NRXN3: variants seen among roughly 807,000 people sequenced by gnomAD.
NRXN3 encodes the protein neurexin 3.
NRXN3 carries 32 observed loss-of-function variants against 137.6 expected under a neutral mutation model. That is an observed-to-expected ratio of 0.23 (90% CI 0.18 to 0.31). NRXN3 has a LOEUF of 0.31. Among genes scored for constraint, NRXN3 ranks in the 10% least tolerant of loss-of-function variants. The probability of loss-of-function intolerance (pLI) is 1.00; values close to 1 mark genes in which losing one functional copy is unlikely to be tolerated. For missense variants in NRXN3, 1,574 were observed against 2,062.5 expected, an observed-to-expected ratio of 0.76 and a Z score of 4.59; for synonymous variants, 798 against 784.5, an observed-to-expected ratio of 1.02 and a Z score of -0.29.
At chr14:78,963,247 G>T (rs2099411645) in intron 11 of NRXN3, among the ~76,000 whole-genome samples, 1 of 152,004 alleles carries the variant, frequency 6.6e-6, no homozygotes, top group African/African-American at 2.4e-5. Context: ...AATTCATCCA[G>T]AATTTCTCTG....
intron 4 of NRXN3, among the ~76,000 whole-genome samples, chr14:78,325,330 G>T (rs979161361): frequency 1.3e-5 from 2 of 151,950 alleles, no homozygotes; most frequent in Non-Finnish European, 2.9e-5. Flanking sequence ...TCTTCAGTGT[G>T]ATAGGGTCAG....
intron 15 of NRXN3, among the ~76,000 whole-genome samples, chr14:78,992,590 G>A (rs541634224): frequency 2.0e-5 from 3 of 152,314 alleles, no homozygotes; most frequent in South Asian, 4.2e-4. Context: ...TCAGCCTGCT[G>A]TTGAGTTTTT....
intron 4 of NRXN3, among the ~76,000 whole-genome samples, chr14:78,399,125 T>C (rs1463682628): frequency 6.6e-6 from 1 of 152,216 alleles, no homozygotes; most frequent in Non-Finnish European, 1.5e-5. Context: ...GTCTGAGATA[T>C]GCGATACAAA....
intron 19 of NRXN3, among the ~76,000 whole-genome samples, chr14:79,765,146 C>A (rs2099051834): frequency 6.6e-6 from 1 of 152,148 alleles, no homozygotes; most frequent in East Asian, 1.9e-4. Flanking sequence ...TTGAATGGAA[C>A]TTCCATGTTT....
intron 10 of NRXN3, among the ~76,000 whole-genome samples, chr14:78,855,062 G>T (rs1447391011): frequency 6.6e-6 from 1 of 151,862 alleles, no homozygotes. Flanking sequence ...TACTCGGGAG[G>T]CTGGGGCAGG....
intron 10 of NRXN3, among the ~76,000 whole-genome samples, chr14:78,828,325 A>G (rs1761474525): frequency 6.6e-6 from 1 of 152,218 alleles, no homozygotes; most frequent in African/African-American, 2.4e-5. Flanking sequence ...CATTAGAGTA[A>G]TTGGCATTAA....
chr14:79,238,554 C>T (rs1030822658), intron 15 of NRXN3, among the ~76,000 whole-genome samples: 2 of 152,048 alleles, frequency 1.3e-5, no homozygotes, highest in African/African-American at 4.8e-5. Context: ...ACATTACACA[C>T]ACACACATAT....
At chr14:78,277,681 G>T (rs182673846) in intron 2 of NRXN3, among the ~76,000 whole-genome samples, 243 of 152,250 alleles carry the variant, frequency 1.6e-3, no homozygotes, top group Non-Finnish European at 2.6e-3. Flanking sequence ...CTCTGCTGTG[G>T]TATATCCTCT....
intron 19 of NRXN3, among the ~76,000 whole-genome samples, chr14:79,746,553 C>A (rs557272228): frequency 6.6e-6 from 1 of 152,058 alleles, no homozygotes; most frequent in Non-Finnish European, 1.5e-5. Context: ...AAAATACATA[C>A]TTTTTCAATC....
Position 79,253,326 on chromosome 14 carries a change from G to A in NRXN3, c.3263-213895G>A, listed in dbSNP as rs2076177186. On this transcript the variant is annotated intron_variant, in intron 15 of 20. Coordinates refer to ENST00000335750, the MANE Select transcript of NRXN3 (RefSeq NM_001330195.2). ...CCCTGTGCGGCCATAGTTTAGGTAT[G>A]GTTGCCAGTTCTGTGGGGAATACAG... Among the ~76,000 whole-genome samples, 4 of 152,140 alleles carry A rather than the reference G, an allele frequency of 2.6e-5. No homozygotes were observed. In the South Asian group the frequency reaches 6.2e-4, roughly 24 times the overall value.
intron 15 of NRXN3, among the ~76,000 whole-genome samples, chr14:79,287,487 T>G (rs1566678424): frequency 6.6e-6 from 1 of 152,338 alleles, no homozygotes; most frequent in East Asian, 1.9e-4. Context: ...CAGTGTCCAT[T>G]GTAAACTAAG....
chr14:78,796,444 CA>C (rs2098822054), intron 8 of NRXN3, among the ~76,000 whole-genome samples: 1 of 152,144 alleles, frequency 6.6e-6, no homozygotes, highest in Non-Finnish European at 1.5e-5. Flanking sequence ...CTATCTGGAA[CA>C]GAAGTTAGAG....
intron 16 of NRXN3, among the ~76,000 whole-genome samples, chr14:79,593,626 G>A (rs1166632849): frequency 2.5e-5 from 2 of 78,904 alleles, no homozygotes; most frequent in East Asian, 3.5e-4. Flanking sequence ...GCGAGACTCC[G>A]TCTCAAAAAA....
intron 4 of NRXN3, among the ~76,000 whole-genome samples, chr14:78,424,987 TGAG>T (rs2093604706): frequency 6.6e-6 from 1 of 152,228 alleles, no homozygotes; most frequent in Non-Finnish European, 1.5e-5. Flanking sequence ...GTTCAGTGTC[TGAG>T]GACAGTGGCT....
chr14:78,795,017 C>T (rs12892952), intron 8 of NRXN3, among the ~76,000 whole-genome samples: 14,204 of 152,058 alleles, frequency 0.093, 1,000 homozygotes, highest in African/African-American at 0.18. Context: ...ATTATTTGAG[C>T]CCAGGAATTC....
chr14:78,175,770 A>G (rs2059204113), intron 1 of NRXN3, among the ~76,000 whole-genome samples: 1 of 152,090 alleles, frequency 6.6e-6, no homozygotes, highest in African/African-American at 2.4e-5. Flanking sequence ...TCCTCAAATT[A>G]TACTCCTCAG....
chr14:79,827,756 G>A (rs775389380), intron 20 of NRXN3, among the ~76,000 whole-genome samples: 1 of 148,876 alleles, frequency 6.7e-6, no homozygotes, highest in Non-Finnish European at 1.5e-5. Flanking sequence ...GTGCAAAGTC[G>A]TGATCTCGGC....
At chr14:79,247,345 C>A (rs992074946) in intron 15 of NRXN3, 7 of 152,032 alleles carry the variant, frequency 4.6e-5, no homozygotes, top group Admixed American at 1.3e-4. Flanking sequence ...TCATTGACAG[C>A]CACTAAATCA....
At chr14:78,444,339 G>A (rs368962057) in intron 4 of NRXN3, among the ~76,000 whole-genome samples, 24 of 152,160 alleles carry the variant, frequency 1.6e-4, no homozygotes, top group African/African-American at 5.6e-4. Flanking sequence ...TGGCCCCAGG[G>A]TGCCCAGCTC....
Sources: gnomAD v4.1 joint callset for allele counts (sites outside exome capture counted in the v4.1 genomes callset) on GRCh38, gnomAD v4.1.1 for gene constraint, MANE v1.5 for transcripts, NCBI Gene and HGNC (gene_info 2026-07-23, HGNC 2026-07-21) for gene names.